TRIM67: variants seen among roughly 807,000 people sequenced by gnomAD.
The protein encoded by TRIM67 is tripartite motif-containing protein 67.
In TRIM67, 39 loss-of-function variants were observed where a neutral mutation model predicts 71.0. The ratio of observed to expected loss-of-function variants is 0.55; its 90% CI spans 0.43 to 0.72. The LOEUF is 0.72. TRIM67 is among the 30% of genes least tolerant of loss of function. The pLI, the probability that TRIM67 is intolerant of heterozygous loss-of-function variation, is 0.00. For missense variants in TRIM67, 973 were observed against 1,079.2 expected (o/e 0.90, Z 1.38); for synonymous variants, 481 against 473.9 (o/e 1.01, Z -0.19).
At chr1:231,212,952 T>G (rs906538397) in intron 8 of TRIM67, among the ~76,000 whole-genome samples, 1 of 152,176 alleles carries the variant, frequency 6.6e-6, no homozygotes, top group Non-Finnish European at 1.5e-5. Flanking sequence ...GGATAATGAC[T>G]GCGACAGAGG....
chr1:231,196,595 G>T (rs1169582959), intron 1 of TRIM67, among the ~76,000 whole-genome samples: 1 of 151,930 alleles, frequency 6.6e-6, no homozygotes. Context: ...AAAAATCAAG[G>T]TCACAGTCTA....
chr1:231,196,212 C>G (rs576243140), intron 1 of TRIM67, among the ~76,000 whole-genome samples: 23 of 152,218 alleles, frequency 1.5e-4, no homozygotes, highest in African/African-American at 4.6e-4. Context: ...GAGCAGAGAC[C>G]TGGGAGGGGA....
intron 1 of TRIM67, among the ~76,000 whole-genome samples, chr1:231,185,838 T>C (rs1189714250): frequency 1.3e-5 from 2 of 151,672 alleles, no homozygotes; most frequent in African/African-American, 2.4e-5. Context: ...AGAACAGAGA[T>C]GAACCACAAA....
intron 7 of TRIM67, 129 bp from the exon 8 acceptor site, chr1:231,208,818 G>C: frequency 1.2e-6 from 1 of 826,238 alleles, no homozygotes; most frequent in Non-Finnish European, 2.0e-6. Flanking sequence ...TAATCATACA[G>C]GAAAGACCCT....
At chr1:231,176,849 T>C (rs1371473057) in intron 1 of TRIM67, among the ~76,000 whole-genome samples, 2 of 148,636 alleles carry the variant, frequency 1.3e-5, no homozygotes, top group African/African-American at 2.5e-5. Flanking sequence ...GGCTATAATC[T>C]TTTTGAATTT....
intron 1 of TRIM67, among the ~76,000 whole-genome samples, chr1:231,179,874 G>T (rs1682853470): frequency 6.6e-6 from 1 of 152,162 alleles, no homozygotes; most frequent in African/African-American, 2.4e-5. Context: ...GGGGCAGTGT[G>T]GTGCTGATTA....
Position 231,163,303 on chromosome 1 carries a change from T to C in TRIM67, c.334T>C (p.Tyr112His), listed in dbSNP as rs1682346617. The change falls in exon 1 of 10, where the codon TAC becomes CAC. Residue 112 changes from tyrosine to histidine, a missense_variant. Coordinates refer to ENST00000366653, the MANE Select transcript of TRIM67 (RefSeq NM_001004342.5). Reference protein sequence around the residue: ...LSLYSETDSGYGSYTPSLKSP... With the variant: ...LSLYSETDSGHGSYTPSLKSP... ...CTTGTACAGCGAGACAGACAGCGGC[T>C]ACGGGTCCTACACCCCGAGCCTCAA... 2.0e-6 allele frequency: 3 copies of C among 1,519,008 alleles called. No homozygotes were observed. The highest frequency in any genetic ancestry group is 2.6e-6 in the Non-Finnish European group (3 of 1,132,522). The allele number at this position is 1,519,008 out of a possible 1,614,324, so 94.1% of individuals were successfully genotyped here.
At position 231,163,338 on chromosome 1, in the gene TRIM67, C is replaced by A; in HGVS notation, c.369C>A (p.Asn123Lys). 6.5e-7 allele frequency: 1 copy of A among 1,528,474 alleles called. No individual in the cohort carries two copies. The highest frequency in any genetic ancestry group is 8.8e-7 in the Non-Finnish European group (1 of 1,137,460). The allele number at this position is 1,528,474 out of a possible 1,614,324, so 94.7% of individuals were successfully genotyped here. Residue 123 changes from asparagine (N) to lysine (K), a missense_variant, in exon 1 of 10, where the codon AAC (asparagine) becomes AAA (lysine). Asn to Lys is a moderately conservative substitution (Grantham distance 94). Coordinates refer to ENST00000366653, the MANE Select transcript of TRIM67 (RefSeq NM_001004342.5). Reference protein sequence around the residue: ...GSYTPSLKSPNGVRVLPMVPA... With the variant: ...GSYTPSLKSPKGVRVLPMVPA... Reference sequence around the variant, plus strand: ...ACACCCCGAGCCTCAAGTCCCCCAACGGGGTTCGCGTGCTGCCCATGGTGC... The same window carrying A: ...ACACCCCGAGCCTCAAGTCCCCCAAAGGGGTTCGCGTGCTGCCCATGGTGC...
At chr1:231,205,885 G>A (rs1001119130) in intron 6 of TRIM67, among the ~76,000 whole-genome samples, 2 of 152,174 alleles carry the variant, frequency 1.3e-5, no homozygotes, top group Non-Finnish European at 2.9e-5. Flanking sequence ...GGATGTGCCC[G>A]TGGCTCAATA....
At chr1:231,166,411 G>A (rs182795045) in intron 1 of TRIM67, among the ~76,000 whole-genome samples, 1 of 152,362 alleles carries the variant, frequency 6.6e-6, no homozygotes, top group African/African-American at 2.4e-5. Context: ...TGTTGGTCTT[G>A]CTTTGTGGCT....
At position 231,209,144 on chromosome 1, in the gene TRIM67, G is replaced by T. The variant is rs374485480; in HGVS notation, c.2017G>T (p.Ala673Ser). Residue 673 changes from alanine to serine, a missense_variant, in exon 8 of 10, where the codon GCC (alanine) becomes TCC (serine). Transcript: ENST00000366653. This position sits in a 1 kb window ranked among gnomAD's most constrained non-coding sequence, Gnocchi z 4.1. ...HPDPAFGVAR[A>S]SVVKDMMLGK... ...AGACCCCGCCTTCGGGGTGGCCAGG[G>T]CCAGCGTGGTCAAGGACATGATGCT... 39 of 1,613,752 alleles carry T rather than the reference G, an allele frequency of 2.4e-5. No homozygotes were observed. The African/African-American group carries it at 4.1e-4, about 17-fold the overall frequency.
In TRIM67 at chr1:231,217,395, C is replaced by T; in HGVS notation, c.*1955C>T. ...GAGCTCTTGGTGGTGACACACAAGACCTGGGACCCTGTGTCCTTGCCCGCA... is the reference window on the plus strand; with the variant it reads ...GAGCTCTTGGTGGTGACACACAAGATCTGGGACCCTGTGTCCTTGCCCGCA... On this transcript the variant is annotated 3_prime_UTR_variant, in exon 10 of 10. Coordinates refer to ENST00000366653, the MANE Select transcript of TRIM67 (RefSeq NM_001004342.5). The T allele has an allele frequency of 1.0e-6, 1 of 987,196 alleles. No homozygotes were observed. The highest frequency in any genetic ancestry group is 1.2e-6 in the Non-Finnish European group (1 of 831,120). The allele number at this position is 987,196 out of a possible 1,614,324, so 61.2% of individuals were successfully genotyped here.
At chr1:231,202,125 G>T (rs1683555547) in intron 5 of TRIM67, among the ~76,000 whole-genome samples, 1 of 143,356 alleles carries the variant, frequency 7.0e-6, no homozygotes, top group African/African-American at 2.8e-5. Context: ...AATGGTGGAG[G>T]AGGAGATGGA....
chr1:231,184,658 G>A, intron 1 of TRIM67: 1 of 237,084 alleles, frequency 4.2e-6, no homozygotes, highest in African/African-American at 2.3e-5. Context: ...GCAAAATTGG[G>A]ATACTGTTAT....
intron 1 of TRIM67, among the ~76,000 whole-genome samples, chr1:231,181,419 T>C (rs1182980038): frequency 6.6e-5 from 10 of 152,188 alleles, no homozygotes; most frequent in African/African-American, 2.4e-4. Flanking sequence ...GGGCACTCAG[T>C]GTCAGCAAGA....
chr1:231,219,014 AGGCGGGTTTC>A lies in TRIM67; in HGVS notation c.*3578_*3587del, dbSNP rs1684079449. The A allele has an allele frequency of 1.0e-6, 1 of 985,500 alleles. No individual in the cohort carries two copies. The highest frequency in any genetic ancestry group is 1.2e-6 in the Non-Finnish European group (1 of 829,966). 61.0% of individuals were successfully genotyped at this position (985,500 alleles called of 1,614,324 possible). A position where few individuals can be genotyped will look rare whatever the true frequency, so the allele number is the denominator to read the frequency against. On this transcript the variant is annotated 3_prime_UTR_variant, in exon 10 of 10. Transcript: ENST00000366653. The stretch of plus-strand genomic sequence containing the variant: ...AGCGAAAGGCTTGGTCCCCCTGGGA[AGGCGGGTTTC>A]GGCACCGGTGGGCAGGTGGTTCAGT...
chr1:231,216,345 A>G lies in TRIM67; in HGVS notation c.*905A>G, dbSNP rs1684013612. 1 of 985,222 alleles carries G rather than the reference A, an allele frequency of 1.0e-6. No individual in the cohort carries two copies. The highest frequency in any genetic ancestry group is 1.2e-6 in the Non-Finnish European group (1 of 829,914). 61.0% of individuals were successfully genotyped at this position (985,222 alleles called of 1,614,324 possible). ...CCTAAAATTAATTCACTCAGTTCTT[A>G]GTTCTTAAATCCACGTGAAAACACA... On this transcript the variant is annotated 3_prime_UTR_variant, in exon 10 of 10. Transcript: ENST00000366653.
Position 231,206,785 on chromosome 1 carries a change from C to A in TRIM67, c.1814C>A (p.Ser605Tyr). 1 of 1,595,588 alleles carries A rather than the reference C, an allele frequency of 6.3e-7. No homozygotes were observed. Among genetic ancestry groups the A allele is most frequent in the Non-Finnish European group, 8.5e-7 (1 of 1,171,776 alleles). ...AGTAAAACTGTCGTCCTGCAGACAT[C>A]CGATGGTGAGCATCGGGATCTCTTA... ...PYSKTVVLQTSDVAWFTFDPN... is the reference protein window; with the variant it reads ...PYSKTVVLQTYDVAWFTFDPN... The change falls in exon 7 of 10, where the codon TCC becomes TAC. Residue 605 changes from serine (S) to tyrosine (Y), a missense_variant. Ser to Tyr is a moderately radical substitution (Grantham distance 144, BLOSUM62 -2). Coordinates refer to ENST00000366653, the MANE Select transcript of TRIM67 (RefSeq NM_001004342.5).
intron 1 of TRIM67, among the ~76,000 whole-genome samples, chr1:231,177,242 A>G (rs1213711614): frequency 6.6e-6 from 1 of 152,180 alleles, no homozygotes; most frequent in Non-Finnish European, 1.5e-5. Context: ...TGGGTTTCAA[A>G]GGATTGGAAG....
Sources: allele counts gnomAD v4.1 joint callset (sites outside exome capture counted in the v4.1 genomes callset), GRCh38; gene constraint gnomAD v4.1.1; non-coding constraint Gnocchi (gnomAD v3.1); transcripts MANE v1.5; gene names NCBI Gene and HGNC (gene_info 2026-07-23, HGNC 2026-07-21).